The following TDP1 variants were observed in gnomAD, a reference collection of about 807,000 sequenced individuals.
TDP1 encodes the protein tyr-DNA phosphodiesterase 1.
Under a neutral mutation model 81.5 loss-of-function variants are expected in TDP1, and 64 were observed. The ratio of observed to expected loss-of-function variants is 0.79; its 90% CI spans 0.64 to 0.97. TDP1 has a LOEUF of 0.97. TDP1 is among the 50% of genes least tolerant of loss of function. TDP1 has a pLI of 0.00. For missense variants in TDP1, 723 were observed against 743.8 expected (o/e 0.97, Z 0.33); for synonymous variants, 256 against 264.3 (o/e 0.97, Z 0.30).
intron 10 of TDP1, chr14:89,986,925 G>A (rs530960521): frequency 6.6e-6 from 1 of 152,340 alleles, no homozygotes; most frequent in East Asian, 1.9e-4. Context: ...CCTCTAGGTA[G>A]GCATTCAGTA....
chr14:89,979,295 G>A (rs756182853), intron 7 of TDP1, among the ~76,000 whole-genome samples: 6 of 152,092 alleles, frequency 3.9e-5, no homozygotes, highest in Non-Finnish European at 7.4e-5. Flanking sequence ...ACAGGTGAGA[G>A]TGTTTCACAT....
intron 6 of TDP1, 99 bp from the exon 7 acceptor site, chr14:89,975,682 T>C: frequency 1.9e-6 from 2 of 1,071,900 alleles, no homozygotes; most frequent in Non-Finnish European, 2.8e-6. Flanking sequence ...AAAATAGTTT[T>C]AAAAAAAAAA....
At position 90,019,296 on chromosome 14, in the gene TDP1, C is replaced by A; in HGVS notation, c.1542-20C>A. On this transcript the variant is annotated intron_variant, in intron 14 of 16. Coordinates refer to ENST00000335725, the MANE Select transcript of TDP1 (RefSeq NM_018319.4). ...AGATGCCTCCCTGAGTCAGCCCTAT[C>A]TGTGTCCTTGTCTCTGCAGCGCAAA... 1.3e-6 allele frequency: 2 copies of A among 1,535,730 alleles called. No homozygotes were observed. Among genetic ancestry groups the A allele is most frequent in the Non-Finnish European group, 1.8e-6 (2 of 1,109,440 alleles).
chr14:89,966,154 A>G lies in TDP1; in HGVS notation c.567A>G (p.Leu189=). The change falls in exon 4 of 17, where the codon TTA becomes TTG. Residue 189 remains leucine (L), a synonymous_variant. Coordinates refer to ENST00000335725, the MANE Select transcript of TDP1 (RefSeq NM_018319.4). ...NSGALHIKDI[L]SPLFGTLVSS... is the part of the protein sequence containing the mutation. ...TATGTTTTGTCTTCTCAGATATTTT[A>G]TCTCCTTTATTTGGGACGCTTGTTT... The G allele has an allele frequency of 6.2e-7, 1 of 1,602,802 alleles. No individual in the cohort carries two copies. The highest frequency in any genetic ancestry group is 2.2e-5 in the East Asian group (1 of 44,830).
chr14:89,998,345 GCAGTTCCAGGCA>G (rs1896813407), intron 14 of TDP1, among the ~76,000 whole-genome samples: 1 of 126,988 alleles, frequency 7.9e-6, no homozygotes, highest in Admixed American at 8.7e-5. Context: ...TTCTTAACCA[GCAGTTCCAGGCA>G]CAGTTCCAAG....
In TDP1 at chr14:89,998,370, CATTATATATATATATATATA is replaced by C. The variant is rs1279613573; in HGVS notation, c.1541+4888_1541+4907del. ...GCAGTTCCAGGCACAGTTCCAAGCA[CATTATATATATATATATATA>C]TATATATATATATATATATATATAT... On this transcript the variant is annotated intron_variant, in intron 14 of 16. Transcript: ENST00000335725. 7.0e-3 allele frequency among the ~76,000 whole-genome samples: 684 copies of C among 98,294 alleles called. 22 individuals carry two copies. Among genetic ancestry groups the C allele is most frequent in the African/African-American group, 0.03 (620 of 20,594 alleles). The allele number at this position is 98,294 out of a possible 152,430, so 64.5% of individuals were successfully genotyped here.
At chr14:89,977,360 C>T (rs1894465061) in intron 7 of TDP1, among the ~76,000 whole-genome samples, 1 of 152,060 alleles carries the variant, frequency 6.6e-6, no homozygotes, top group Non-Finnish European at 1.5e-5. Flanking sequence ...TACAATGGCG[C>T]AATCTCAGCT....
rs757314572 is a variant in TDP1 at position 89,998,420 on chromosome 14, A to ATATGTATGTATGTATG, written c.1541+4945_1541+4960dup. 1.9e-3 allele frequency among the ~76,000 whole-genome samples: 147 copies of ATATGTATGTATGTATG among 79,214 alleles called. 4 individuals are homozygous for ATATGTATGTATGTATG. The highest frequency in any genetic ancestry group is 8.2e-3 in the African/African-American group (128 of 15,556). The allele number at this position is 79,214 out of a possible 152,430, so 52.0% of individuals were successfully genotyped here. The stretch of plus-strand genomic sequence containing the variant: ...TATATATATATATATATATATATAT[A>ATATGTATGTATGTATG]TATGTATGTATGTATGTATGTATAT... On this transcript the variant is annotated intron_variant, in intron 14 of 16. Coordinates refer to ENST00000335725, the MANE Select transcript of TDP1 (RefSeq NM_018319.4).
chr14:90,036,012 A>G (rs573236822), intron 16 of TDP1, among the ~76,000 whole-genome samples: 2 of 152,328 alleles, frequency 1.3e-5, no homozygotes, highest in East Asian at 3.9e-4. Context: ...ACAGCTAGGT[A>G]TAGTGTCTTA....
rs141830418 is a variant in TDP1 at position 90,012,260 on chromosome 14, G to A, written c.1542-7056G>A. Among the ~76,000 whole-genome samples, 212 of 152,254 alleles carry A rather than the reference G, an allele frequency of 1.4e-3. 1 individual carries two copies. Among genetic ancestry groups the A allele is most frequent in the Non-Finnish European group, 2.2e-3 (153 of 68,008 alleles). ...TGTATGGAAAAGCCTGGATGTCCAGGCAAAAGTTTGCTGCAGGGATGGAGC... is the reference window on the plus strand; with the variant it reads ...TGTATGGAAAAGCCTGGATGTCCAGACAAAAGTTTGCTGCAGGGATGGAGC... On this transcript the variant is annotated intron_variant, in intron 14 of 16. Transcript: ENST00000335725.
chr14:89,990,570 T>TTTTTG (rs1896068901), intron 12 of TDP1, among the ~76,000 whole-genome samples: 1 of 139,884 alleles, frequency 7.1e-6, no homozygotes. Flanking sequence ...TTTTTTTTTT[T>TTTTTG]AATGGCAAAA....
At position 89,967,372 on chromosome 14, in the gene TDP1, C is replaced by A; in HGVS notation, c.609C>A (p.Asn203Lys). The change falls in exon 5 of 17, where the codon AAC (asparagine) becomes AAA (lysine). Residue 203 changes from asparagine to lysine, a missense_variant. Coordinates refer to ENST00000335725, the MANE Select transcript of TDP1 (RefSeq NM_018319.4). ...FGTLVSSAQF[N>K]YCFDVDWLVK... is the part of the protein sequence containing the mutation. ...TCTTCTTTTCTCCCATCTAGTTTAA[C>A]TACTGCTTTGACGTGGACTGGCTCG... 1.9e-6 allele frequency: 3 copies of A among 1,614,050 alleles called. No individual in the cohort carries two copies. Among genetic ancestry groups the A allele is most frequent in the Non-Finnish European group, 2.5e-6 (3 of 1,179,920 alleles).
At position 90,007,688 on chromosome 14, in the gene TDP1, C is replaced by T. The variant is rs1162836182; in HGVS notation, c.1542-11628C>T. 2.0e-5 allele frequency among the ~76,000 whole-genome samples: 3 copies of T among 152,092 alleles called. No homozygotes were observed. In the East Asian group the frequency reaches 5.8e-4, roughly 29 times the overall value. ...CCACCCAGGCTTGGTTCACTGTAAC[C>T]TCCACTTCTCGGGCTCAAGTCATCC... On this transcript the variant is annotated intron_variant, in intron 14 of 16. Coordinates refer to ENST00000335725, the MANE Select transcript of TDP1 (RefSeq NM_018319.4).
chr14:90,011,608 G>A (rs1820384536), intron 14 of TDP1, among the ~76,000 whole-genome samples: 1 of 152,168 alleles, frequency 6.6e-6, no homozygotes, highest in African/African-American at 2.4e-5. Context: ...CTCTTCCTAT[G>A]TTTTATCAAG....
chr14:89,998,023 A>C (rs1055975320), intron 14 of TDP1, among the ~76,000 whole-genome samples: 4 of 152,098 alleles, frequency 2.6e-5, no homozygotes, highest in Non-Finnish European at 5.9e-5. Context: ...ATAGAGAAAA[A>C]ATAGAATGAT....
At chr14:90,017,133 G>T (rs1457324368) in intron 14 of TDP1, among the ~76,000 whole-genome samples, 1 of 152,130 alleles carries the variant, frequency 6.6e-6, no homozygotes, top group Non-Finnish European at 1.5e-5. Flanking sequence ...CTTTGGAGTT[G>T]TGGGAGCAAG....
chr14:90,036,233 G>A (rs1477688736), intron 16 of TDP1, among the ~76,000 whole-genome samples: 2 of 152,184 alleles, frequency 1.3e-5, no homozygotes, highest in South Asian at 2.1e-4. Flanking sequence ...GTACTGTTTT[G>A]TCCTCTACAC....
intron 15 of TDP1, among the ~76,000 whole-genome samples, chr14:90,024,204 C>T (rs34509206): frequency 0.039 from 5,935 of 152,268 alleles, 383 homozygotes; most frequent in African/African-American, 0.13. Flanking sequence ...CCTAACCTCT[C>T]GTTCCTGGTA....
At chr14:89,969,265 C>T (rs1333178101) in intron 5 of TDP1, among the ~76,000 whole-genome samples, 5 of 151,308 alleles carry the variant, frequency 3.3e-5, no homozygotes, top group Non-Finnish European at 7.4e-5. Flanking sequence ...ACTAAAGGGA[C>T]GAAAGTGTCC....
Sources: allele counts gnomAD v4.1 joint callset (sites outside exome capture counted in the v4.1 genomes callset), GRCh38; gene constraint gnomAD v4.1.1; transcripts MANE v1.5; gene names NCBI Gene and HGNC (gene_info 2026-07-23, HGNC 2026-07-21).